TULP4: variants seen among roughly 807,000 people sequenced by gnomAD.
The protein encoded by TULP4 is tubby-related protein 4.
TULP4 carries 16 observed loss-of-function variants against 129.0 expected under a neutral mutation model. That is an observed-to-expected ratio of 0.12 (90% CI 0.08 to 0.19). The LOEUF (loss-of-function observed/expected upper bound fraction) is 0.19, where lower values mean the gene tolerates loss of function less well. Ranked by LOEUF, TULP4 falls within the 10% of genes least tolerant of loss-of-function variation. The pLI, the probability that TULP4 is intolerant of heterozygous loss-of-function variation, is 1.00. For missense variants in TULP4, 1,842 were observed against 2,059.1 expected, an observed-to-expected ratio of 0.89 and a Z score of 2.04; for synonymous variants, 998 against 854.0, an observed-to-expected ratio of 1.17 and a Z score of -2.94.
chr6:158,331,756 C>CGTATATATATATATATAT lies in TULP4; in HGVS notation c.252+17490_252+17491insATATATATATATATATGT, dbSNP rs1562523303. Among the ~76,000 whole-genome samples the CGTATATATATATATATAT allele has an allele frequency of 3.1e-4, 4 of 12,954 alleles. 1 individual carries two copies. The highest frequency in any genetic ancestry group is 6.0e-4 in the African/African-American group (3 of 4,992). The allele number at this position is 12,954 out of a possible 152,430, so 8.5% of individuals were successfully genotyped here. A position where few individuals can be genotyped will look rare whatever the true frequency, so the allele number is the denominator to read the frequency against. ...ACGTATATATATACGTGTATATACA[C>CGTATATATATATATATAT]GTGTATATATACACGTATATATACA... On this transcript the variant is annotated intron_variant, in intron 1 of 13. Coordinates refer to ENST00000367097, the MANE Select transcript of TULP4 (RefSeq NM_020245.5).
chr6:158,258,305 C>G (rs1778286363), intron 1 of TULP4, among the ~76,000 whole-genome samples: 1 of 152,220 alleles, frequency 6.6e-6, no homozygotes, highest in African/African-American at 2.4e-5. Flanking sequence ...TGTCCACTCC[C>G]TCAGTGTTTC....
intron 1 of TULP4, chr6:158,237,249 T>C (rs1777728462): frequency 1.1e-6 from 1 of 920,306 alleles, no homozygotes; most frequent in African/African-American, 1.7e-5. Flanking sequence ...GAGGGAGCAG[T>C]TCTGTGCTTC....
chr6:158,422,133 G>GA (rs1778358561), intron 2 of TULP4, among the ~76,000 whole-genome samples: 1 of 152,092 alleles, frequency 6.6e-6, no homozygotes, highest in Admixed American at 6.5e-5. Context: ...AAATGAAAGT[G>GA]AAAATTAGTA....
At chr6:158,449,588 G>A (rs6921012) in intron 4 of TULP4, among the ~76,000 whole-genome samples, 2,625 of 152,108 alleles carry the variant, frequency 0.017, 84 homozygotes, top group African/African-American at 0.059. Flanking sequence ...TAAAGCCCGC[G>A]GCTTTAGGTG....
chr6:158,448,612 T>G (rs934805154), intron 3 of TULP4, among the ~76,000 whole-genome samples: 1 of 152,148 alleles, frequency 6.6e-6, no homozygotes, highest in African/African-American at 2.4e-5. Context: ...GAGAAAATAA[T>G]AACAACAAAT....
At position 158,342,947 on chromosome 6, in the gene TULP4, ATG is replaced by A. The variant is rs5881254; in HGVS notation, c.252+28717_252+28718del. Among the ~76,000 whole-genome samples, 218 of 147,628 alleles carry A rather than the reference ATG, an allele frequency of 1.5e-3. 1 individual carries two copies. The highest frequency in any genetic ancestry group is 2.5e-3 in the Non-Finnish European group (170 of 67,102). ...TAGTGAACGATGAGATTAAAAATAA[ATG>A]TGTGTGTGTGTGTGTGTGTGTGTGT... is the stretch of plus-strand genomic sequence containing the variant. On this transcript the variant is annotated intron_variant, in intron 1 of 13. Coordinates refer to ENST00000367097, the MANE Select transcript of TULP4 (RefSeq NM_020245.5).
At chr6:158,404,642 G>A (rs1038843943) in intron 1 of TULP4, among the ~76,000 whole-genome samples, 5 of 151,994 alleles carry the variant, frequency 3.3e-5, no homozygotes, top group African/African-American at 9.7e-5. Flanking sequence ...CAGGCGTGGT[G>A]GTGCACGCCT....
chr6:158,273,757 A>G (rs1051866394), intron 1 of TULP4, among the ~76,000 whole-genome samples: 1 of 152,350 alleles, frequency 6.6e-6, no homozygotes, highest in Non-Finnish European at 1.5e-5. Flanking sequence ...GGTCCTAACA[A>G]TAGTACCATG....
chr6:158,429,989 GC>G (rs1454511576), intron 3 of TULP4, 92 bp downstream of exon 3: 1 of 1,231,014 alleles, frequency 8.1e-7, no homozygotes, highest in African/African-American at 1.5e-5. Flanking sequence ...TGGTGCAAAA[GC>G]CTCTTTAAGA....
rs747692181 is a variant in TULP4 at position 158,502,992 on chromosome 6, C to G, written c.3329C>G (p.Pro1110Arg). 31 of 1,613,930 alleles carry G rather than the reference C, an allele frequency of 1.9e-5. No individual in the cohort carries two copies. The highest frequency in any genetic ancestry group is 1.6e-4 in the Middle Eastern group (1 of 6,082). The change falls in exon 13 of 14, where the codon CCT becomes CGT. Residue 1110 changes from proline to arginine, a missense_variant. By Grantham distance (103) the Pro-to-Arg change is moderately radical (BLOSUM62 -2). Transcript: ENST00000367097. ...LEKPLRHPPL[P>R]EAAVTLKRPP... ...AAGCCCTTGAGGCACCCTCCCCTGCCTGAAGCTGCTGTCACCCTGAAACGG... is the reference window on the plus strand; with the variant it reads ...AAGCCCTTGAGGCACCCTCCCCTGCGTGAAGCTGCTGTCACCCTGAAACGG...
At chr6:158,498,940 AGTAAG>A in intron 12 of TULP4, 128 bp downstream of exon 12, 1 of 1,180,534 alleles carries the variant, frequency 8.5e-7, no homozygotes, top group Middle Eastern at 2.1e-4. Flanking sequence ...TCCCTGCCTC[AGTAAG>A]GTTGGTAGAT....
At chr6:158,371,031 A>T (rs1283753317) in intron 1 of TULP4, among the ~76,000 whole-genome samples, 4 of 152,230 alleles carry the variant, frequency 2.6e-5, no homozygotes, top group Non-Finnish European at 5.9e-5. Flanking sequence ...CCAGAGGTCC[A>T]GTTCAGCTGT....
At chr6:158,328,391 A>T (rs1243008780) in intron 1 of TULP4, among the ~76,000 whole-genome samples, 3 of 152,152 alleles carry the variant, frequency 2.0e-5, no homozygotes, top group Middle Eastern at 3.4e-3. Flanking sequence ...GCTGAAATTG[A>T]ACTCAGGAAC....
At chr6:158,327,344 G>T (rs919487927) in intron 1 of TULP4, among the ~76,000 whole-genome samples, 1 of 152,150 alleles carries the variant, frequency 6.6e-6, no homozygotes, top group African/African-American at 2.4e-5. Flanking sequence ...TGGTGGAAAC[G>T]ATGCTCTTCA....
intron 1 of TULP4, among the ~76,000 whole-genome samples, chr6:158,301,147 G>C (rs1015082404): frequency 1.3e-5 from 2 of 152,184 alleles, no homozygotes; most frequent in African/African-American, 4.8e-5. Context: ...TTAGTGGCAT[G>C]TACAACATAA....
At chr6:158,415,882 T>C (rs111781125) in intron 2 of TULP4, among the ~76,000 whole-genome samples, 21 of 152,050 alleles carry the variant, frequency 1.4e-4, no homozygotes, top group African/African-American at 3.9e-4. Flanking sequence ...CGAGGTAAAA[T>C]CCCATGATAG....
chr6:158,469,421 G>C (rs978426866), intron 6 of TULP4, among the ~76,000 whole-genome samples: 2 of 151,974 alleles, frequency 1.3e-5, no homozygotes, highest in Non-Finnish European at 2.9e-5. Flanking sequence ...CTACAGGTGT[G>C]TGCCACCACA....
Position 158,498,319 on chromosome 6 carries a change from G to T in TULP4, c.1871-350G>T, listed in dbSNP as rs192704791. On this transcript the variant is annotated intron_variant, in intron 11 of 13. Coordinates refer to ENST00000367097, the MANE Select transcript of TULP4 (RefSeq NM_020245.5). ...TTCAATCATCCTTCTGACTGCAAAT[G>T]AGGTTTTTAAAAAATATGTTTTTAT... is the stretch of plus-strand genomic sequence containing the variant. Among the ~76,000 whole-genome samples the T allele has an allele frequency of 1.8e-3, 269 of 152,318 alleles. 5 individuals are homozygous for T. Among genetic ancestry groups the T allele is most frequent in the Non-Finnish European group, 3.7e-4 (25 of 68,028 alleles).
chr6:158,246,223 C>T lies in TULP4; in HGVS notation n.68+13920C>T, dbSNP rs550988223. 1.2e-4 allele frequency among the ~76,000 whole-genome samples: 18 copies of T among 152,082 alleles called. No homozygotes were observed. In the East Asian group the frequency reaches 1.4e-3, roughly 11 times the overall value. On this transcript the variant is annotated intron_variant and non_coding_transcript_variant, in intron 1 of 1. Transcript: ENST00000620026. The stretch of plus-strand genomic sequence containing the variant: ...TAGCTAAAATTAAATACATCTGGGC[C>T]GGGCATGGTGGCTCATGCCTGTAAT...
Sources: gnomAD v4.1 joint callset for allele counts (sites outside exome capture counted in the v4.1 genomes callset) on GRCh38, gnomAD v4.1.1 for gene constraint, MANE v1.5 for transcripts, NCBI Gene and HGNC (gene_info 2026-07-23, HGNC 2026-07-21) for gene names.